MEIS2: variants seen among roughly 807,000 people sequenced by gnomAD.
MEIS2 encodes the protein homeobox protein Meis2.
A neutral mutation model predicts 58.6 loss-of-function variants in MEIS2; 9 were observed. The ratio of observed to expected loss-of-function variants is 0.15; its 90% CI spans 0.09 to 0.27. MEIS2 has a LOEUF of 0.27. Among genes scored for constraint, MEIS2 ranks in the 10% least tolerant of loss-of-function variants. The pLI is 1.00. For missense variants in MEIS2, 427 were observed against 635.0 expected (o/e 0.67, Z 3.52); for synonymous variants, 221 against 228.4 (o/e 0.97, Z 0.29).
chr15:37,075,650 G>C (rs920290713), intron 7 of MEIS2, among the ~76,000 whole-genome samples: 1 of 152,018 alleles, frequency 6.6e-6, no homozygotes, highest in Non-Finnish European at 1.5e-5. Flanking sequence ...TCGAAGAAGT[G>C]ATAATCTGCA....
chr15:36,949,691 C>T (rs544804788), intron 9 of MEIS2, among the ~76,000 whole-genome samples: 2 of 152,078 alleles, frequency 1.3e-5, no homozygotes, highest in South Asian at 4.1e-4. Flanking sequence ...ATTCCTATAT[C>T]ATTTCTTGGC....
rs192068243 is a variant in MEIS2, at chr15:36,948,031, C to G, written c.977+2293G>C. 3.9e-5 allele frequency among the ~76,000 whole-genome samples: 6 copies of G among 152,040 alleles called. No homozygotes were observed. In the Middle Eastern group the frequency reaches 0.01, roughly 259 times the overall value. On this transcript the variant is annotated intron_variant, in intron 9 of 11. Transcript: ENST00000561208. Reference sequence around the variant, plus strand: ...TAGTTTTTTAGAGGTATTTGCTATACTATCCTCATGAGTAACACCTTATTA... The same window carrying G: ...TAGTTTTTTAGAGGTATTTGCTATAGTATCCTCATGAGTAACACCTTATTA...
intron 8 of MEIS2, among the ~76,000 whole-genome samples, chr15:36,991,070 C>G (rs890105722): frequency 1.3e-5 from 2 of 152,080 alleles, no homozygotes; most frequent in Non-Finnish European, 2.9e-5. Flanking sequence ...TATTATTTAA[C>G]ATTTGAGTAT....
At chr15:37,025,605 T>A (rs2061675580) in intron 8 of MEIS2, among the ~76,000 whole-genome samples, 1 of 152,082 alleles carries the variant, frequency 6.6e-6, no homozygotes, top group Admixed American at 6.5e-5. Flanking sequence ...CATAGAGTCA[T>A]GAGAATTTAA....
intron 8 of MEIS2, among the ~76,000 whole-genome samples, chr15:37,019,698 A>G (rs1244278263): frequency 6.6e-6 from 1 of 152,116 alleles, no homozygotes; most frequent in East Asian, 1.9e-4. Context: ...AGAGCTGCAC[A>G]TGGTGAAACG....
At chr15:37,006,398 T>A (rs1443105909) in intron 8 of MEIS2, among the ~76,000 whole-genome samples, 1 of 152,238 alleles carries the variant, frequency 6.6e-6, no homozygotes, top group Non-Finnish European at 1.5e-5. Flanking sequence ...GGTTACAATT[T>A]CTATTATCTG....
chr15:37,093,950 G>A, intron 5 of MEIS2: 1 of 536,750 alleles, frequency 1.9e-6, no homozygotes, highest in Non-Finnish European at 3.3e-6. Flanking sequence ...AGACTTCTCT[G>A]AGCAACAAGT....
At chr15:36,902,679 AT>A (rs1230205363) in intron 9 of MEIS2, among the ~76,000 whole-genome samples, 1 of 152,214 alleles carries the variant, frequency 6.6e-6, no homozygotes, top group East Asian at 1.9e-4. Context: ...CTGCTTAAGA[AT>A]AGAAACTTGC....
intron 1 of MEIS2, 188 bp from the exon 2 acceptor site, chr15:37,098,387 A>AGAGC (rs1894626111): frequency 1.1e-6 from 1 of 917,324 alleles, no homozygotes; most frequent in Non-Finnish European, 1.3e-6. Flanking sequence ...GGGGAGAGAG[A>AGAGC]GAGAGAGAGA....
intron 8 of MEIS2, among the ~76,000 whole-genome samples, chr15:36,962,515 T>C (rs2059219563): frequency 6.6e-6 from 1 of 152,082 alleles, no homozygotes; most frequent in African/African-American, 2.4e-5. Flanking sequence ...TAAATAGTTA[T>C]ACTACACTTT....
intron 5 of MEIS2, 91 bp from the exon 6 acceptor site, chr15:37,093,821 AG>A: frequency 6.4e-7 from 1 of 1,559,716 alleles, no homozygotes; most frequent in East Asian, 2.3e-5. Flanking sequence ...CCAGGTTGCA[AG>A]GTTACATTTG....
intron 8 of MEIS2, among the ~76,000 whole-genome samples, chr15:36,956,625 T>C (rs1175903743): frequency 6.6e-6 from 1 of 152,196 alleles, no homozygotes; most frequent in East Asian, 1.9e-4. Context: ...TGCCTGGAGT[T>C]ACTAATGGCT....
chr15:37,023,008 T>C (rs2061576624), intron 8 of MEIS2, among the ~76,000 whole-genome samples: 1 of 152,224 alleles, frequency 6.6e-6, no homozygotes, highest in South Asian at 2.1e-4. Flanking sequence ...TTAGGGACAC[T>C]AATCCTTTGC....
At chr15:37,097,924 T>G (rs769789529) in intron 2 of MEIS2, 43 bp downstream of exon 2, 1 of 1,545,608 alleles carries the variant, frequency 6.5e-7, no homozygotes, top group Admixed American at 1.8e-5. Context: ...ACACACACTC[T>G]CACACTCACA....
intron 8 of MEIS2, among the ~76,000 whole-genome samples, chr15:36,993,571 G>A (rs1045272498): frequency 1.3e-5 from 2 of 152,082 alleles, no homozygotes; most frequent in Non-Finnish European, 2.9e-5. Flanking sequence ...TACCTCATTT[G>A]TAAATAAGGA....
intron 8 of MEIS2, among the ~76,000 whole-genome samples, chr15:36,996,704 G>A (rs1177232807): frequency 6.6e-6 from 1 of 152,164 alleles, no homozygotes; most frequent in Admixed American, 6.5e-5. Flanking sequence ...AACGGAAATG[G>A]AACCTCTGAG....
At chr15:37,081,350 A>T (rs1401816403) in intron 7 of MEIS2, among the ~76,000 whole-genome samples, 1 of 152,210 alleles carries the variant, frequency 6.6e-6, no homozygotes, top group Non-Finnish European at 1.5e-5. Flanking sequence ...GTTTTCCATT[A>T]TACATCAACC....
chr15:37,054,973 T>A, intron 7 of MEIS2, among the ~76,000 whole-genome samples: 1 of 152,234 alleles, frequency 6.6e-6, no homozygotes, highest in East Asian at 1.9e-4. Flanking sequence ...AAACACTTTA[T>A]ATGAATTCCT....
chr15:36,961,709 T>C (rs1481277591), intron 8 of MEIS2, among the ~76,000 whole-genome samples: 1 of 152,010 alleles, frequency 6.6e-6, no homozygotes, highest in Non-Finnish European at 1.5e-5. Flanking sequence ...CAGCAGAAAA[T>C]AGTCTAATCA....
Sources: gnomAD v4.1 joint callset for allele counts (sites outside exome capture counted in the v4.1 genomes callset) on GRCh38, gnomAD v4.1.1 for gene constraint, MANE v1.5 for transcripts, NCBI Gene and HGNC (gene_info 2026-07-23, HGNC 2026-07-21) for gene names.